The following PRB2 variants were observed in gnomAD, a reference collection of about 807,000 sequenced individuals.
PRB2 encodes proline rich protein BstNI subfamily 2, also known as basic salivary proline-rich protein 2.
PRB2 carries 12 observed loss-of-function variants against 8.3 expected under a neutral mutation model. The observed-to-expected ratio is 1.45, with a 90% CI of 0.93 to 2.35. The LOEUF (loss-of-function observed/expected upper bound fraction) is 2.35, where lower values mean the gene tolerates loss of function less well. Among genes scored for constraint, PRB2 ranks in the 30% most tolerant of loss-of-function variants. The probability of loss-of-function intolerance (pLI) is 0.00; values close to 1 mark genes in which losing one functional copy is unlikely to be tolerated. For missense variants in PRB2, 470 were observed against 507.0 expected, an observed-to-expected ratio of 0.93 and a Z score of 0.70; for synonymous variants, 146 against 180.0, an observed-to-expected ratio of 0.81 and a Z score of 1.51.
chr12:11,394,375 G>A lies in PRB2; in HGVS notation c.100+120C>T, dbSNP rs77320444. 2.4e-3 allele frequency: 2,982 copies of A among 1,248,946 alleles called. 47 individuals carry two copies. In the African/African-American group the frequency reaches 0.036, roughly 15 times the overall value. 77.4% of individuals were successfully genotyped at this position (1,248,946 alleles called of 1,614,324 possible). A position where few individuals can be genotyped will look rare whatever the true frequency, so the allele number is the denominator to read the frequency against. On this transcript the variant is annotated intron_variant, in intron 2 of 3. Transcript: ENST00000389362. ...TGCATGAAGAGTGCCTATATTATTA[G>A]GAGCACTAACATTAATCAATTCCCG...
In PRB2 at chr12:11,393,510, G is replaced by C. The variant is rs773509074; in HGVS notation, c.568C>G (p.Gln190Glu). 1.4e-6 allele frequency: 2 copies of C among 1,390,042 alleles called. No individual in the cohort carries two copies. Among genetic ancestry groups the C allele is most frequent in the Non-Finnish European group, 1.9e-6 (2 of 1,064,192 alleles). The allele number at this position is 1,390,042 out of a possible 1,614,324, so 86.1% of individuals were successfully genotyped here. Residue 190 changes from glutamine (Q) to glutamate (E), a missense_variant, in exon 3 of 4, where the codon CAG becomes GAG. Around this residue, in one of 4 missense-constraint regions of PRB2, gnomAD observed 37 missense variants for 66.0 expected, o/e 0.56. Coordinates refer to ENST00000389362, the MANE Select transcript of PRB2 (RefSeq NM_006248.4). ...GGAGGAGGTGGGGGACCTTGGGGCT[G>C]GTTGCCTCCTTGTGGGGGTGGTCCT... ...PQGPPPQGGNQPQGPPPPPGK... is the reference protein window; with the variant it reads ...PQGPPPQGGNEPQGPPPPPGK...
In PRB2 at chr12:11,392,949, G is replaced by T. The variant is rs759425411; in HGVS notation, c.1129C>A (p.Pro377Thr). 1 of 1,611,078 alleles carries T rather than the reference G, an allele frequency of 6.2e-7. No individual in the cohort carries two copies. Among genetic ancestry groups the T allele is most frequent in the Non-Finnish European group, 8.5e-7 (1 of 1,179,302 alleles). The change falls in exon 3 of 4, where the codon CCT becomes ACT. Residue 377 changes from proline to threonine, a missense_variant. By Grantham distance (38) the Pro-to-Thr change is conservative (BLOSUM62 -1). This residue lies in a region of PRB2 where 205 missense variants were observed against 195.0 expected (regional missense o/e 1.05). Transcript: ENST00000389362. ...QGPPQQEGNN[P>T]QGPPPPAGGN... ...CCTGCTGGAGGTGGGGGACCTTGAG[G>T]ATTGTTGCCTTCTTGTTGGGGTGGT...
chr12:11,394,559 C>G (rs2416788), intron 1 of PRB2, 29 bp from the exon 2 acceptor site: 1 of 1,610,940 alleles, frequency 6.2e-7, no homozygotes, highest in African/African-American at 1.3e-5. Flanking sequence ...ATGATGGGAA[C>G]AGTTACATCT....
chr12:11,391,956 G>A (rs1864331220), intron 3 of PRB2, among the ~76,000 whole-genome samples: 3 of 107,938 alleles, frequency 2.8e-5, no homozygotes, highest in Admixed American at 2.1e-4. Flanking sequence ...TTTTATAACA[G>A]TGAGAAGCTG....
chr12:11,393,029 G>T lies in PRB2; in HGVS notation c.1049C>A (p.Pro350Gln), dbSNP rs1356210720. 3 of 1,609,346 alleles carry T rather than the reference G, an allele frequency of 1.9e-6. No individual in the cohort carries two copies. The highest frequency in any genetic ancestry group is 2.5e-6 in the Non-Finnish European group (3 of 1,178,188). The change falls in exon 3 of 4, where the codon CCA becomes CAA. Residue 350 changes from proline (P) to glutamine (Q), a missense_variant. Coordinates refer to ENST00000389362, the MANE Select transcript of PRB2 (RefSeq NM_006248.4). ...ACTTCGGGACTTGCTGCCTCCTTGT[G>T]GGGGTGGTCCTTGTGGCTTTCCTGG... Reference protein sequence around the residue: ...PPPGKPQGPPPQGGSKSRSAR... With the variant: ...PPPGKPQGPPQQGGSKSRSAR...
intron 1 of PRB2, among the ~76,000 whole-genome samples, chr12:11,395,223 A>G (rs1422236629): frequency 6.6e-6 from 1 of 151,986 alleles, no homozygotes; most frequent in South Asian, 2.1e-4. Flanking sequence ...GCACAGTTCT[A>G]TCTATAAATG....
intron 3 of PRB2, among the ~76,000 whole-genome samples, chr12:11,391,992 CA>C (rs1565417451): frequency 1.0e-5 from 1 of 96,942 alleles, no homozygotes; most frequent in Non-Finnish European, 2.0e-5. Flanking sequence ...TCCAGTGACA[CA>C]GATTGGTTAA....
In PRB2 at chr12:11,392,787, A is replaced by G. The variant is rs1864334344; in HGVS notation, c.*33+7T>C. On this transcript the variant is annotated splice_region_variant and intron_variant, in intron 3 of 3. Coordinates refer to ENST00000389362, the MANE Select transcript of PRB2 (RefSeq NM_006248.4). ...AGCACTTGGTGAAGAATAAACTGGAATCATACCTGTCATTGAATCCTAGAT... is the reference window on the plus strand; with the variant it reads ...AGCACTTGGTGAAGAATAAACTGGAGTCATACCTGTCATTGAATCCTAGAT... 7.2e-7 allele frequency: 1 copy of G among 1,394,836 alleles called. No homozygotes were observed. The highest frequency in any genetic ancestry group is 1.8e-5 in the African/African-American group (1 of 55,772). 86.4% of individuals were successfully genotyped at this position (1,394,836 alleles called of 1,614,324 possible).
chr12:11,394,385 C>A (rs983487650), intron 2 of PRB2, 110 bp downstream of exon 2: 76 of 1,342,956 alleles, frequency 5.7e-5, no homozygotes, highest in Non-Finnish European at 7.3e-5. Context: ...GGAGCACTAA[C>A]ATTAATCAAT....
In PRB2 at chr12:11,393,325, G is replaced by C; in HGVS notation, c.753C>G (p.Asn251Lys). 6.4e-7 allele frequency: 1 copy of C among 1,562,578 alleles called. No individual in the cohort carries two copies. The part of the protein sequence containing the change: ...KPQGPPPQGG[N>K]QPQGPPPPPG... Reference sequence around the variant, plus strand: ...GAGGAGGTGGGGGACCTTGGGGCTGGTTGCCTCCTTGTGGGGGTGGTCCTT... The same window carrying C: ...GAGGAGGTGGGGGACCTTGGGGCTGCTTGCCTCCTTGTGGGGGTGGTCCTT... Residue 251 changes from asparagine (N) to lysine (K), a missense_variant, in exon 3 of 4, where the codon AAC becomes AAG. Asn to Lys is a moderately conservative substitution (Grantham distance 94, BLOSUM62 0). Around this residue, in one of 4 missense-constraint regions of PRB2, gnomAD observed 205 missense variants for 195.0 expected, o/e 1.05. Coordinates refer to ENST00000389362, the MANE Select transcript of PRB2 (RefSeq NM_006248.4).
intron 3 of PRB2, 43 bp downstream of exon 3, chr12:11,392,751 G>A: frequency 2.7e-6 from 3 of 1,126,494 alleles, no homozygotes; most frequent in East Asian, 2.7e-5. Flanking sequence ...CTGGAGAGCT[G>A]TAGCAATTAG....
intron 2 of PRB2, 93 bp downstream of exon 2, chr12:11,394,402 A>G: frequency 6.9e-7 from 1 of 1,458,128 alleles, no homozygotes; most frequent in South Asian, 1.1e-5. Flanking sequence ...CAATTCCCGA[A>G]AGGAAAGTTT....
In PRB2 at chr12:11,393,566, C is replaced by T. The variant is rs192416830; in HGVS notation, c.512G>A (p.Arg171Gln). 3.0e-3 allele frequency: 4,587 copies of T among 1,552,876 alleles called. 50 individuals are homozygous for T. The highest frequency in any genetic ancestry group is 3.4e-3 in the Non-Finnish European group (3,891 of 1,139,858). ...CTTTCCTGGAGGAGATCGAGAACTT[C>T]GGGACTTGTTGTCTCCTTGTGGGGG... is the stretch of plus-strand genomic sequence containing the variant. ...GPPPQGDNKS[R>Q]SSRSPPGKPQ... is the part of the protein sequence containing the mutation. Residue 171 changes from arginine to glutamine, a missense_variant, in exon 3 of 4, where the codon CGA becomes CAA. Physicochemically the swap from Arg to Gln is conservative, Grantham distance 43. Around this residue, in one of 4 missense-constraint regions of PRB2, gnomAD observed 211 missense variants for 207.7 expected, o/e 1.02. Coordinates refer to ENST00000389362, the MANE Select transcript of PRB2 (RefSeq NM_006248.4).
chr12:11,395,512 C>G lies in PRB2; in HGVS notation c.18G>C (p.Leu6=), dbSNP rs1864396342. The G allele has an allele frequency of 6.2e-7, 1 of 1,613,214 alleles. No homozygotes were observed. Among genetic ancestry groups the G allele is most frequent in the Admixed American group, 1.7e-5 (1 of 59,956 alleles). ...AGCTCAGGGCCAGCAAGGCCACTGA[C>G]AGCAGAATCAACAGCATCTTGCAGG... is the stretch of plus-strand genomic sequence containing the variant. MLLIL[L]SVALLALSSA... Residue 6 remains leucine, a synonymous_variant, in exon 1 of 4, where the codon CTG becomes CTC. Transcript: ENST00000389362.
chr12:11,394,452 G>C, intron 2 of PRB2, 43 bp downstream of exon 2: 1 of 1,601,850 alleles, frequency 6.2e-7, no homozygotes. Flanking sequence ...TTCATAAGCA[G>C]AAAAAGACAG....
Position 11,391,557 on chromosome 12 carries a change from T to A in PRB2, c.*125A>T. ...ATCAGAAATTGCAAGCTAATTATTT[T>A]ATTGGTATACAGAAGTTAGAGCTAT... On this transcript the variant is annotated 3_prime_UTR_variant, in exon 4 of 4. Transcript: ENST00000389362. The A allele has an allele frequency of 2.6e-6, 1 of 381,994 alleles. No homozygotes were observed. The highest frequency in any genetic ancestry group is 1.9e-5 in the South Asian group (1 of 51,706). The allele number at this position is 381,994 out of a possible 1,614,324, so 23.7% of individuals were successfully genotyped here.
rs776484470 is a variant in PRB2 at position 11,392,897 on chromosome 12, G to A, written c.1181C>T (p.Pro394Leu). The change falls in exon 3 of 4, where the codon CCT becomes CTT. Residue 394 changes from proline (P) to leucine (L), a missense_variant. Around this residue, in one of 4 missense-constraint regions of PRB2, gnomAD observed 17 missense variants for 38.3 expected, o/e 0.44. Transcript: ENST00000389362. ...AGGNPQQPQA[P>L]PAGQPQGPPR... ...TGGTCCCTGGGGCTGTCCAGCAGGAGGTGCCTGAGGCTGCTGGGGATTGCC... is the reference window on the plus strand; with the variant it reads ...TGGTCCCTGGGGCTGTCCAGCAGGAAGTGCCTGAGGCTGCTGGGGATTGCC... 6.2e-7 allele frequency: 1 copy of A among 1,600,160 alleles called. No homozygotes were observed. Among genetic ancestry groups the A allele is most frequent in the Non-Finnish European group, 8.5e-7 (1 of 1,175,586 alleles).
intron 1 of PRB2, 23 bp downstream of exon 1, chr12:11,395,443 A>G (rs750081602): frequency 5.6e-6 from 9 of 1,613,690 alleles, no homozygotes; most frequent in African/African-American, 4.0e-5. Flanking sequence ...GAGTCACCAC[A>G]TCTTCTCCCC....
chr12:11,394,420 A>C, intron 2 of PRB2, 75 bp downstream of exon 2: 1 of 1,525,606 alleles, frequency 6.6e-7, no homozygotes, highest in Non-Finnish European at 9.1e-7. Flanking sequence ...TTTTGATAAG[A>C]AGACACTGGA....
Sources: gnomAD v4.1 joint callset for allele counts (sites outside exome capture counted in the v4.1 genomes callset) on GRCh38, gnomAD v4.1.1 for gene constraint, gnomAD v4.1.1 regional missense constraint, MANE v1.5 for transcripts, NCBI Gene and HGNC (gene_info 2026-07-23, HGNC 2026-07-21) for gene names.